The following NAA16 variants were observed in gnomAD, a reference collection of about 807,000 sequenced individuals.
The protein encoded by NAA16 is NARG1-like protein.
In NAA16, 97 loss-of-function variants were observed where a neutral mutation model predicts 110.3. The observed-to-expected ratio is 0.88, with a 90% CI of 0.75 to 1.04. The LOEUF is 1.04. NAA16 is among the 50% of genes least tolerant of loss of function. The probability of loss-of-function intolerance (pLI) is 0.00; values close to 1 mark genes in which losing one functional copy is unlikely to be tolerated. For synonymous variants in NAA16, 372 were observed against 330.6 expected (o/e 1.13, Z -1.36); for missense variants, 1,017 against 1,005.1 (o/e 1.01, Z -0.16).
At chr13:41,373,043 A>G in intron 17 of NAA16, 1 of 809,874 alleles carries the variant, frequency 1.2e-6, no homozygotes, top group Non-Finnish European at 1.5e-6. Context: ...GTCTTACATT[A>G]AGCTGGTGGA....
chr13:41,328,687 A>G (rs1258561203), intron 6 of NAA16, 37 bp from the exon 7 acceptor site: 2 of 1,538,324 alleles, frequency 1.3e-6, no homozygotes, highest in African/African-American at 1.4e-5. Context: ...TAGATATTTA[A>G]TGTTTAAAAT....
At chr13:41,317,721 C>A (rs1593406646) in intron 2 of NAA16, among the ~76,000 whole-genome samples, 1 of 152,274 alleles carries the variant, frequency 6.6e-6, no homozygotes, top group Non-Finnish European at 1.5e-5. Flanking sequence ...GAAGCTTTAT[C>A]CAAATGGTGC....
intron 18 of NAA16, 73 bp from the exon 19 acceptor site, chr13:41,374,669 C>A: frequency 1.0e-6 from 1 of 995,344 alleles, no homozygotes; most frequent in South Asian, 1.5e-5. Context: ...TATTTGAAGT[C>A]ACTGGCCAGT....
intron 9 of NAA16, among the ~76,000 whole-genome samples, chr13:41,341,836 CTTT>C (rs398117249): frequency 6.9e-6 from 1 of 145,262 alleles, no homozygotes. Flanking sequence ...CAGACCAAAC[CTTT>C]TTTTTTTTTT....
chr13:41,328,762 A>T lies in NAA16; in HGVS notation c.730A>T (p.Ser244Cys). ...GAAATTGGGAAGATTAAAAGAAGCC[A>T]GTGAAGTGTTCAAAAACTTGATTGA... ...LLKLGRLKEA[S>C]EVFKNLIDRN... Residue 244 changes from serine (S) to cysteine (C), a missense_variant, in exon 7 of 20, where the codon AGT (serine) becomes TGT (cysteine). Transcript: ENST00000379406. 6.2e-7 allele frequency: 1 copy of T among 1,609,116 alleles called. No homozygotes were observed. The highest frequency in any genetic ancestry group is 8.5e-7 in the Non-Finnish European group (1 of 1,176,070).
chr13:41,315,318 C>G (rs1046685203), intron 1 of NAA16, among the ~76,000 whole-genome samples: 21 of 152,064 alleles, frequency 1.4e-4, no homozygotes, highest in Admixed American at 9.2e-4. Flanking sequence ...AATTTAACAC[C>G]CAGTGTGACT....
At chr13:41,345,223 T>A (rs543043291) in intron 9 of NAA16, among the ~76,000 whole-genome samples, 24 of 152,230 alleles carry the variant, frequency 1.6e-4, no homozygotes, top group Non-Finnish European at 3.1e-4. Context: ...AATTGCTGAG[T>A]CAAATGGTAA....
At chr13:41,360,879 C>G (rs1398702023) in intron 12 of NAA16, among the ~76,000 whole-genome samples, 3 of 152,108 alleles carry the variant, frequency 2.0e-5, no homozygotes, top group Non-Finnish European at 2.9e-5. Context: ...TAGATTTCCT[C>G]TTATAAAAAT....
chr13:41,362,726 T>A, intron 13 of NAA16: 1 of 1,289,814 alleles, frequency 7.8e-7, no homozygotes, highest in Non-Finnish European at 1.0e-6. Context: ...TTGTCATCTC[T>A]GAAGCACTCT....
intron 13 of NAA16, among the ~76,000 whole-genome samples, chr13:41,363,707 A>G (rs575259712): frequency 4.6e-5 from 7 of 152,294 alleles, no homozygotes; most frequent in African/African-American, 1.7e-4. Context: ...AACTACAGGA[A>G]AATCATTGGT....
At chr13:41,342,017 A>G (rs2042562784) in intron 9 of NAA16, among the ~76,000 whole-genome samples, 1 of 150,712 alleles carries the variant, frequency 6.6e-6, no homozygotes, top group Non-Finnish European at 1.5e-5. Context: ...TACTTTTAGT[A>G]GAGACGGGGT....
intron 14 of NAA16, among the ~76,000 whole-genome samples, chr13:41,368,283 A>G (rs2043246448): frequency 6.6e-6 from 1 of 152,182 alleles, no homozygotes; most frequent in Admixed American, 6.5e-5. Flanking sequence ...AAATGAGCCT[A>G]GGTAACTATC....
At chr13:41,348,501 C>T (rs888624357) in intron 9 of NAA16, among the ~76,000 whole-genome samples, 5 of 152,116 alleles carry the variant, frequency 3.3e-5, no homozygotes, top group African/African-American at 1.2e-4. Flanking sequence ...TGAAAGCCTA[C>T]TTGGTCATGG....
chr13:41,320,705 AAAT>A lies in NAA16; in HGVS notation c.285_287del (p.Lys95_Tyr96delinsAsn). ...TGGACTCTTGCAGCGTTCTGATAAA[AAAT>A]ATGATGAAGCTATAAAATGTTACCG... On this transcript the variant is annotated inframe_deletion, in exon 4 of 20. Coordinates refer to ENST00000379406, the MANE Select transcript of NAA16 (RefSeq NM_024561.5). The A allele has an allele frequency of 6.2e-7, 1 of 1,612,088 alleles. No homozygotes were observed. The highest frequency in any genetic ancestry group is 8.5e-7 in the Non-Finnish European group (1 of 1,179,654).
Position 41,373,743 on chromosome 13 carries a change from G to A in NAA16, c.2262G>A (p.Leu754=). The change falls in exon 18 of 20, where the codon CTG becomes CTA. Residue 754 remains leucine (L), a synonymous_variant. Transcript: ENST00000379406. ...TGGAAAGTTTTAATGAGGATTTTCT[G>A]AAACGTAACGCTACCTCTCTTCAGC... ...KDLESFNEDF[L]KRNATSLQHL... 6.2e-7 allele frequency: 1 copy of A among 1,611,186 alleles called. No individual in the cohort carries two copies. Among genetic ancestry groups the A allele is most frequent in the Non-Finnish European group, 8.5e-7 (1 of 1,179,110 alleles).
chr13:41,335,788 AT>A (rs1011043215), intron 8 of NAA16, among the ~76,000 whole-genome samples: 1 of 151,950 alleles, frequency 6.6e-6, no homozygotes, highest in Non-Finnish European at 1.5e-5. Flanking sequence ...CAGTGTTGTG[AT>A]TCATTAAGAA....
chr13:41,329,852 A>G (rs544504476), intron 7 of NAA16, among the ~76,000 whole-genome samples: 1 of 152,142 alleles, frequency 6.6e-6, no homozygotes, highest in South Asian at 2.1e-4. Flanking sequence ...AAAATGAATA[A>G]TATGTTCCAT....
chr13:41,372,751 G>A lies in NAA16; in HGVS notation c.2076G>A (p.Leu692=), dbSNP rs2043347647. ...ACACAGGAAAGTTTCTGTTAATGCT[G>A]CAGTCTGTCAAACGAGCTTTTGCCA... is the stretch of plus-strand genomic sequence containing the variant. The part of the protein sequence containing the change: ...YFRKGKFLLM[L]QSVKRAFAIN... Residue 692 remains leucine, a synonymous_variant, in exon 17 of 20, where the codon CTG becomes CTA. Coordinates refer to ENST00000379406, the MANE Select transcript of NAA16 (RefSeq NM_024561.5). 6.3e-7 allele frequency: 1 copy of A among 1,599,860 alleles called. No individual in the cohort carries two copies.
chr13:41,333,345 GT>G lies in NAA16; in HGVS notation c.907+1978del, dbSNP rs1368682929. Reference sequence around the variant, plus strand: ...TTCAGTGTTTTAGTATATTAATCATGTTGTGCAACCATCATCTCTGTCTGCT... The same window carrying G: ...TTCAGTGTTTTAGTATATTAATCATGTGTGCAACCATCATCTCTGTCTGCT... On this transcript the variant is annotated intron_variant, in intron 8 of 19. Transcript: ENST00000379406. Among the ~76,000 whole-genome samples the G allele has an allele frequency of 2.6e-5, 4 of 152,150 alleles. No individual in the cohort carries two copies. The East Asian group carries it at 7.7e-4, about 29-fold the overall frequency.
Sources: gnomAD v4.1 joint callset for allele counts (sites outside exome capture counted in the v4.1 genomes callset) on GRCh38, gnomAD v4.1.1 for gene constraint, MANE v1.5 for transcripts, NCBI Gene and HGNC (gene_info 2026-07-23, HGNC 2026-07-21) for gene names.